Variants in DMD observed in about 807,000 individuals in gnomAD.
DMD encodes mutant dystrophin.
In DMD, 63 loss-of-function variants were observed where a neutral mutation model predicts 330.1. The observed-to-expected ratio is 0.19, with a 90% CI of 0.16 to 0.24. DMD has a LOEUF of 0.24. Among genes scored for constraint, DMD ranks in the 10% least tolerant of loss-of-function variants. DMD has a pLI of 1.00. For missense variants in DMD, 3,344 were observed against 2,684.1 expected (o/e 1.25, Z -5.43); for synonymous variants, 1,223 against 959.8 (o/e 1.27, Z -5.07).
At chrX:32,660,113 T>G (rs1474614717) in intron 9 of DMD, among the ~76,000 whole-genome samples, 1 of 111,360 alleles carries the variant, frequency 9.0e-6, no homozygotes, top group East Asian at 2.8e-4. Flanking sequence ...CTAAAGCTTT[T>G]GATCTTAGGG....
chrX:31,841,062 G>A (rs66852843), intron 48 of DMD, among the ~76,000 whole-genome samples: 40,767 of 110,691 alleles, frequency 0.37, 5,439 homozygotes, highest in Admixed American at 0.43. Context: ...TCTTGTGCCC[G>A]TTAGCTAAGT....
chrX:33,110,015 C>G (rs999516044), intron 1 of DMD, among the ~76,000 whole-genome samples: 1 of 110,956 alleles, frequency 9.0e-6, no homozygotes, highest in Non-Finnish European at 1.9e-5. Flanking sequence ...GTACACTGCT[C>G]TTTGTTCCCT....
intron 7 of DMD, among the ~76,000 whole-genome samples, chrX:32,712,609 T>C (rs984744013): frequency 2.7e-5 from 3 of 111,372 alleles, no homozygotes; most frequent in Non-Finnish European, 5.7e-5. Context: ...ATGGGCTATT[T>C]CTAATTTTCC....
chrX:32,035,483 G>A (rs1320827179), intron 44 of DMD: 6 of 257,527 alleles, frequency 2.3e-5, no homozygotes, highest in African/African-American at 1.2e-4. Flanking sequence ...ATGTGGATGT[G>A]TGATATGACT....
intron 12 of DMD, among the ~76,000 whole-genome samples, chrX:32,606,758 T>A (rs2056752264): frequency 9.4e-6 from 1 of 106,087 alleles, no homozygotes; most frequent in Non-Finnish European, 2.0e-5. Flanking sequence ...CACACATACA[T>A]ATATATACAC....
At chrX:32,098,910 T>C (rs2096525698) in intron 44 of DMD, among the ~76,000 whole-genome samples, 1 of 112,120 alleles carries the variant, frequency 8.9e-6, no homozygotes, top group Non-Finnish European at 1.9e-5. Context: ...TGAATATTAA[T>C]TTTAATCATT....
intron 1 of DMD, among the ~76,000 whole-genome samples, chrX:33,102,546 G>T (rs2095249985): frequency 9.0e-6 from 1 of 111,099 alleles, no homozygotes; most frequent in Admixed American, 9.6e-5. Context: ...AAAAGACAGT[G>T]TTACATTTAA....
intron 61 of DMD, among the ~76,000 whole-genome samples, chrX:31,336,846 T>C (rs765530517): frequency 1.8e-5 from 2 of 111,854 alleles, no homozygotes; most frequent in South Asian, 7.5e-4. Context: ...GTCTGAAGTC[T>C]ATGGCAGCAA....
At chrX:31,731,692 G>A (rs953269825) in intron 51 of DMD, among the ~76,000 whole-genome samples, 7 of 111,556 alleles carry the variant, frequency 6.3e-5, no homozygotes, top group Non-Finnish European at 9.4e-5. Context: ...ATGAAAAATC[G>A]TGCTTTTCGA....
At position 32,310,117 on chromosome X, in the gene DMD, A is replaced by C. The variant is rs2097556386; in HGVS notation, c.6082T>G (p.Phe2028Val). ...LNAPDLCAKD[F>V]EDLFKQEESL... is the part of the protein sequence containing the mutation. Reference sequence around the variant, plus strand: ...TCCTCTTGCTTAAAGAGATCTTCAAAGTCCTTAGCACAGAGGTCAGGAGCA... The same window carrying C: ...TCCTCTTGCTTAAAGAGATCTTCAACGTCCTTAGCACAGAGGTCAGGAGCA... Residue 2028 changes from phenylalanine to valine, a missense_variant, in exon 42 of 79, where the codon TTT becomes GTT. Physicochemically the swap from Phe to Val is conservative, Grantham distance 50. Transcript: ENST00000357033. The C allele has an allele frequency of 1.7e-6, 2 of 1,209,319 alleles. No homozygotes were observed. Among genetic ancestry groups the C allele is most frequent in the Non-Finnish European group, 2.2e-6 (2 of 893,838 alleles).
At chrX:31,744,643 A>G (rs2087669748) in intron 51 of DMD, among the ~76,000 whole-genome samples, 1 of 112,176 alleles carries the variant, frequency 8.9e-6, no homozygotes, top group South Asian at 3.7e-4. Context: ...CAGAAGATAA[A>G]TTACAAGACA....
In DMD at chrX:31,451,097, T is replaced by TG. The variant is rs201043946; in HGVS notation, c.8938-6471dup. On this transcript the variant is annotated intron_variant, in intron 59 of 78. Coordinates refer to ENST00000357033, the MANE Select transcript of DMD (RefSeq NM_004006.3). ...CTTCAGTTGTCAAGCACTTATATTT[T>TG]GTTTTTTTTTTTTTTTCAGGAGACT... 4.3e-3 allele frequency among the ~76,000 whole-genome samples: 461 copies of TG among 107,174 alleles called. 7 individuals carry two copies. The highest frequency in any genetic ancestry group is 0.014 in the African/African-American group (410 of 28,498). 93.1% of individuals were successfully genotyped at this position (107,174 alleles called of 115,157 possible).
At chrX:32,745,726 T>A (rs1321915250) in intron 7 of DMD, among the ~76,000 whole-genome samples, 1 of 112,333 alleles carries the variant, frequency 8.9e-6, no homozygotes, top group East Asian at 2.8e-4. Context: ...CTCGAGGTAG[T>A]CATAATTTCA....
At chrX:32,952,308 A>G (rs1246422792) in intron 2 of DMD, among the ~76,000 whole-genome samples, 1 of 109,658 alleles carries the variant, frequency 9.1e-6, no homozygotes, top group African/African-American at 3.3e-5. Flanking sequence ...TAATTTTTGT[A>G]TTTTTAGTAC....
intron 77 of DMD, among the ~76,000 whole-genome samples, chrX:31,130,582 T>C (rs1335852603): frequency 1.8e-5 from 2 of 112,425 alleles, no homozygotes; most frequent in Non-Finnish European, 3.8e-5. Context: ...CCTGCTTATA[T>C]TGCCTATTAT....
At chrX:32,807,506 G>T (rs188377345) in intron 7 of DMD, among the ~76,000 whole-genome samples, 1 of 111,082 alleles carries the variant, frequency 9.0e-6, no homozygotes, top group East Asian at 2.8e-4. Context: ...TTAAATTGTT[G>T]AAGTTTGAGA....
At chrX:31,474,717 T>TA (rs1460804787) in intron 59 of DMD, among the ~76,000 whole-genome samples, 1 of 83,259 alleles carries the variant, frequency 1.2e-5, no homozygotes, top group Non-Finnish European at 2.3e-5. Flanking sequence ...AAAAAAAAAA[T>TA]AAAATAAAAT....
intron 29 of DMD, among the ~76,000 whole-genome samples, chrX:32,429,929 C>A (rs1266679331): frequency 9.0e-6 from 1 of 110,904 alleles, no homozygotes; most frequent in Non-Finnish European, 1.9e-5. Flanking sequence ...GCATCTAAAA[C>A]CTTTAAAACT....
At chrX:31,979,822 ATTCCCAGTC>A (rs1432943382) in intron 44 of DMD, among the ~76,000 whole-genome samples, 3 of 112,345 alleles carry the variant, frequency 2.7e-5, no homozygotes, top group Non-Finnish European at 5.6e-5. Context: ...AATGTCTGTC[ATTCCCAGTC>A]TTCAAGTTAT....
Sources: gnomAD v4.1 joint callset for allele counts (sites outside exome capture counted in the v4.1 genomes callset) on GRCh38, gnomAD v4.1.1 for gene constraint, MANE v1.5 for transcripts, NCBI Gene and HGNC (gene_info 2026-07-23, HGNC 2026-07-21) for gene names.